CHRM3: variants seen among roughly 807,000 people sequenced by gnomAD.
CHRM3 encodes cholinergic receptor muscarinic 3.
CHRM3 carries 11 observed loss-of-function variants against 41.8 expected under a neutral mutation model. That is an observed-to-expected ratio of 0.26 (90% CI 0.17 to 0.44). The LOEUF (loss-of-function observed/expected upper bound fraction) is 0.44. CHRM3 is among the 20% of genes least tolerant of loss of function. CHRM3 has a pLI of 1.00. For synonymous variants in CHRM3, 297 were observed against 301.4 expected, an observed-to-expected ratio of 0.99 and a Z score of 0.15; for missense variants, 571 against 745.4, an observed-to-expected ratio of 0.77 and a Z score of 2.72.
At chr1:239,565,263 G>C (rs1173892518) in intron 3 of CHRM3, among the ~76,000 whole-genome samples, 1 of 152,132 alleles carries the variant, frequency 6.6e-6, no homozygotes, top group South Asian at 2.1e-4. Flanking sequence ...TCCTGGATGG[G>C]CCCTAATAAT....
chr1:239,634,482 C>A (rs1051814009), intron 4 of CHRM3, among the ~76,000 whole-genome samples: 15 of 149,150 alleles, frequency 1.0e-4, no homozygotes, highest in African/African-American at 3.7e-4. Flanking sequence ...TTGGGAAAAT[C>A]AGTTTATATT....
chr1:239,400,413 CTTTG>C (rs749152692), intron 1 of CHRM3, among the ~76,000 whole-genome samples: 15 of 152,092 alleles, frequency 9.9e-5, no homozygotes, highest in African/African-American at 1.7e-4. Flanking sequence ...CGCCTCTTCA[CTTTG>C]TTTATTTTTT....
chr1:239,578,967 G>A (rs1047800759), intron 3 of CHRM3, among the ~76,000 whole-genome samples: 9 of 152,240 alleles, frequency 5.9e-5, no homozygotes, highest in African/African-American at 2.2e-4. Flanking sequence ...TTTCTATTAA[G>A]TAGATCCTAT....
At chr1:239,743,974 GTT>G (rs748303241) in intron 5 of CHRM3, among the ~76,000 whole-genome samples, 3 of 128,020 alleles carry the variant, frequency 2.3e-5, no homozygotes. Context: ...TTTTTTTTAA[GTT>G]TTTTTTTTTT....
chr1:239,656,645 A>G (rs1459495697), intron 4 of CHRM3, among the ~76,000 whole-genome samples: 1 of 152,128 alleles, frequency 6.6e-6, no homozygotes, highest in Non-Finnish European at 1.5e-5. Context: ...TATCTTAAAA[A>G]ATAAAATAAA....
intron 4 of CHRM3, among the ~76,000 whole-genome samples, chr1:239,675,617 A>G (rs1657921652): frequency 1.3e-5 from 2 of 152,192 alleles, no homozygotes; most frequent in African/African-American, 4.8e-5. Flanking sequence ...TTTGAAAGCA[A>G]TCACTCTTCT....
intron 6 of CHRM3, among the ~76,000 whole-genome samples, chr1:239,896,183 TC>T (rs944543553): frequency 6.6e-6 from 1 of 152,132 alleles, no homozygotes; most frequent in Non-Finnish European, 1.5e-5. Context: ...GCAGAGTGCA[TC>T]GGGGACATAG....
intron 1 of CHRM3, among the ~76,000 whole-genome samples, chr1:239,449,909 G>A (rs1380437156): frequency 1.3e-5 from 2 of 152,112 alleles, no homozygotes; most frequent in African/African-American, 4.8e-5. Flanking sequence ...TGAATTACTG[G>A]GGGTTGAGTT....
At chr1:239,848,386 T>C (rs12090649) in intron 6 of CHRM3, among the ~76,000 whole-genome samples, 4,768 of 152,252 alleles carry the variant, frequency 0.031, 256 homozygotes, top group African/African-American at 0.11. Context: ...CTTTACTTAT[T>C]GATACTTTCC....
chr1:239,493,415 A>T (rs1667683065), intron 2 of CHRM3, among the ~76,000 whole-genome samples: 1 of 152,174 alleles, frequency 6.6e-6, no homozygotes, highest in African/African-American at 2.4e-5. Context: ...TATCAGATGA[A>T]TTTTTCTAAA....
At chr1:239,399,039 G>A (rs1437888198) in intron 1 of CHRM3, among the ~76,000 whole-genome samples, 1 of 152,138 alleles carries the variant, frequency 6.6e-6, no homozygotes, top group East Asian at 1.9e-4. Context: ...CTCTTTGAAG[G>A]CCTGAAGACC....
chr1:239,771,321 G>A (rs773114958), intron 5 of CHRM3, among the ~76,000 whole-genome samples: 4 of 151,874 alleles, frequency 2.6e-5, no homozygotes, highest in African/African-American at 4.8e-5. Context: ...CCTCCTCTCT[G>A]CCCTGGATTA....
intron 3 of CHRM3, among the ~76,000 whole-genome samples, chr1:239,552,537 C>T (rs1288673969): frequency 6.8e-6 from 1 of 146,406 alleles, no homozygotes; most frequent in Non-Finnish European, 1.5e-5. Context: ...GATAAGCTCA[C>T]TGCAGCCTCA....
chr1:239,597,076 G>A (rs72756796), intron 3 of CHRM3, among the ~76,000 whole-genome samples: 4,568 of 152,180 alleles, frequency 0.03, 85 homozygotes, highest in Middle Eastern at 0.058. Context: ...ACACAATTAT[G>A]TAAATAAACC....
At chr1:239,682,338 G>A (rs1041485539) in intron 5 of CHRM3, among the ~76,000 whole-genome samples, 3 of 152,138 alleles carry the variant, frequency 2.0e-5, no homozygotes, top group Non-Finnish European at 4.4e-5. Flanking sequence ...TTATATGTTA[G>A]AGTTGTACAT....
chr1:239,436,061 G>A (rs1477717188), intron 1 of CHRM3, among the ~76,000 whole-genome samples: 2 of 152,182 alleles, frequency 1.3e-5, no homozygotes, highest in Non-Finnish European at 2.9e-5. Flanking sequence ...ATGATCGTGT[G>A]AGACAAGTAT....
intron 3 of CHRM3, among the ~76,000 whole-genome samples, chr1:239,573,148 G>A (rs147635348): frequency 3.9e-4 from 60 of 152,110 alleles, no homozygotes; most frequent in South Asian, 8.3e-4. Context: ...CTAGTTCCTC[G>A]CATTCTTTTT....
At chr1:239,583,355 A>T (rs1201186858) in intron 3 of CHRM3, among the ~76,000 whole-genome samples, 4 of 152,242 alleles carry the variant, frequency 2.6e-5, no homozygotes, top group Non-Finnish European at 5.9e-5. Context: ...TTATGAGCTT[A>T]TTAAATACTA....
rs58217698 is a variant in CHRM3, at chr1:239,748,807, G to A, written c.-147+70519G>A. On this transcript the variant is annotated intron_variant, in intron 5 of 6. Transcript: ENST00000676153. The surrounding 1 kb of genome is among the most constrained non-coding windows in gnomAD (Gnocchi z 4.3). Reference sequence around the variant, plus strand: ...TTTTATGCAAATTCTGGTGGGCCTTGTATTTTATGTTAGCCCTTCTCTAGA... The same window carrying A: ...TTTTATGCAAATTCTGGTGGGCCTTATATTTTATGTTAGCCCTTCTCTAGA... 3.3e-5 allele frequency among the ~76,000 whole-genome samples: 5 copies of A among 152,218 alleles called. No homozygotes were observed. In the East Asian group the frequency reaches 9.6e-4, roughly 29 times the overall value.
Sources: allele counts gnomAD v4.1 joint callset (sites outside exome capture counted in the v4.1 genomes callset), GRCh38; gene constraint gnomAD v4.1.1; non-coding constraint Gnocchi (gnomAD v3.1); transcripts MANE v1.5; gene names NCBI Gene and HGNC (gene_info 2026-07-23, HGNC 2026-07-21).